Variants in APP observed in about 807,000 individuals in gnomAD.
APP encodes amyloid beta precursor protein.
APP carries 31 observed loss-of-function variants against 101.4 expected under a neutral mutation model. That is an observed-to-expected ratio of 0.31 (90% confidence interval 0.23 to 0.41). The LOEUF is 0.41. Among genes scored for constraint, APP ranks in the 10% least tolerant of loss-of-function variants. APP has a pLI of 1.00. For missense variants in APP, 839 were observed against 1,003.7 expected, an observed-to-expected ratio of 0.84 and a Z score of 2.22; for synonymous variants, 366 against 364.4, an observed-to-expected ratio of 1.00 and a Z score of -0.05.
At chr21:25,990,969 C>T (rs935547484) in intron 8 of APP, among the ~76,000 whole-genome samples, 1 of 152,114 alleles carries the variant, frequency 6.6e-6, no homozygotes, top group African/African-American at 2.4e-5. Context: ...TGTATATATA[C>T]CACGGAATAC....
intron 15 of APP, among the ~76,000 whole-genome samples, chr21:25,899,629 C>T: frequency 6.6e-6 from 1 of 152,200 alleles, no homozygotes; most frequent in Non-Finnish European, 1.5e-5. Flanking sequence ...CAGGTCCAAT[C>T]AAACCTTCAG....
At chr21:25,958,831 T>C (rs1453863176) in intron 11 of APP, among the ~76,000 whole-genome samples, 6 of 152,242 alleles carry the variant, frequency 3.9e-5, no homozygotes, top group African/African-American at 1.4e-4. Context: ...TATTGACTGC[T>C]TCTGAATGAG....
chr21:25,976,115 T>C (rs1601088553), intron 9 of APP, 87 bp from the exon 10 acceptor site: 4 of 1,166,148 alleles, frequency 3.4e-6, no homozygotes, highest in East Asian at 4.8e-5. Context: ...ATGTTTTTCC[T>C]CTATTTTTGT....
intron 1 of APP, among the ~76,000 whole-genome samples, chr21:26,153,455 CTTG>C (rs3084288): frequency 0.013 from 1,912 of 151,324 alleles, 40 homozygotes; most frequent in African/African-American, 0.044. Flanking sequence ...ACCCCTGTAC[CTTG>C]TTGTTGTTGT....
Position 26,022,033 on chromosome 21 carries a change from T to A in APP, c.672A>T (p.Lys224Asn), listed in dbSNP as rs200543884. The change falls in exon 6 of 18, where the codon AAA becomes AAT. Residue 224 changes from lysine (K) to asparagine (N), a missense_variant. Coordinates refer to ENST00000346798, the MANE Select transcript of APP (RefSeq NM_000484.4). ...CTTCCTCCTCTGCTACTTCTACTAC[T>A]TTGTCTTCACTGTGAAGGCAAACAC... is the stretch of plus-strand genomic sequence containing the variant. ...DTDYADGSED[K>N]VVEVAEEEEV... The A allele has an allele frequency of 3.1e-6, 5 of 1,613,972 alleles. No homozygotes were observed. Among genetic ancestry groups the A allele is most frequent in the Non-Finnish European group, 4.2e-6 (5 of 1,179,982 alleles).
intron 6 of APP, among the ~76,000 whole-genome samples, chr21:26,003,823 T>C (rs988245049): frequency 2.6e-5 from 4 of 152,098 alleles, no homozygotes; most frequent in Admixed American, 6.5e-5. Flanking sequence ...CCCAACACTT[T>C]CCCTCAGGGA....
Position 26,051,124 on chromosome 21 carries a change from G to A in APP, c.538C>T (p.Arg180Ter), listed in dbSNP as rs753562272. Residue 180 changes from arginine to a stop codon, truncating the protein, a stop_gained, in exon 5 of 18, where the codon CGA (arginine) becomes TGA (stop). Transcript: ENST00000346798. LOFTEE classifies it high-confidence loss of function. The part of the protein sequence containing the change: ...MLLPCGIDKF[R>*]GVEFVCCPLA... ...GGGCAACACACAAACTCTACCCCTCGGAACTTGTCAATTCCGCAGGGCAGC... is the reference window on the plus strand; with the variant it reads ...GGGCAACACACAAACTCTACCCCTCAGAACTTGTCAATTCCGCAGGGCAGC... 1 of 1,614,054 alleles carries A rather than the reference G, an allele frequency of 6.2e-7. No homozygotes were observed. The highest frequency in any genetic ancestry group is 1.1e-5 in the South Asian group (1 of 91,074).
At position 26,062,258 on chromosome 21, in the gene APP, C is replaced by CAG. The variant is rs1241767547; in HGVS notation, c.356-8912_356-8911dup. On this transcript the variant is annotated intron_variant, in intron 3 of 17. Coordinates refer to ENST00000346798, the MANE Select transcript of APP (RefSeq NM_000484.4). ...ACACACACACACACACACACACACA[C>CAG]AGAATAGTGTTTAACCCAGGCTCTG... Among the ~76,000 whole-genome samples the CAG allele has an allele frequency of 3.4e-5, 5 of 145,580 alleles. 1 individual carries two copies. Among genetic ancestry groups the CAG allele is most frequent in the East Asian group, 4.0e-4 (2 of 4,986 alleles).
intron 1 of APP, among the ~76,000 whole-genome samples, chr21:26,161,197 A>G (rs962127012): frequency 3.3e-5 from 5 of 152,220 alleles, no homozygotes; most frequent in African/African-American, 1.2e-4. Context: ...ATCAACACTA[A>G]CTTCTCTCTC....
intron 6 of APP, among the ~76,000 whole-genome samples, chr21:26,006,808 A>C (rs182564397): frequency 2.2e-4 from 34 of 152,342 alleles, no homozygotes; most frequent in African/African-American, 6.0e-4. Context: ...TATGAAGCAA[A>C]GTTAACAGAT....
intron 13 of APP, chr21:25,935,055 T>C (rs1488923962): frequency 6.6e-6 from 1 of 152,124 alleles, no homozygotes; most frequent in African/African-American, 2.4e-5. Flanking sequence ...AGAGGTTAGG[T>C]CATTTCCTCT....
intron 15 of APP, among the ~76,000 whole-genome samples, chr21:25,900,402 AAAAAAAATT>A (rs2038373309): frequency 1.4e-5 from 2 of 145,314 alleles, no homozygotes; most frequent in African/African-American, 5.4e-5. Flanking sequence ...AAAAAAAAAA[AAAAAAAATT>A]AGCCAGGTGT....
At chr21:26,161,891 C>A (rs1054565368) in intron 1 of APP, among the ~76,000 whole-genome samples, 1 of 151,694 alleles carries the variant, frequency 6.6e-6, no homozygotes, top group Non-Finnish European at 1.5e-5. Context: ...GTTTTAAAGG[C>A]TTAATCTTTG....
At chr21:26,032,567 A>G (rs1378362649) in intron 5 of APP, among the ~76,000 whole-genome samples, 2 of 152,160 alleles carry the variant, frequency 1.3e-5, no homozygotes, top group Admixed American at 1.3e-4. Context: ...TGGGATGGAA[A>G]TATTAACCAC....
chr21:26,000,314 ACATTTACTGAGGAATTTAACTGG>A (rs1346018095), intron 6 of APP, 132 bp from the exon 7 acceptor site: 27 of 1,123,592 alleles, frequency 2.4e-5, no homozygotes, highest in Non-Finnish European at 3.1e-5. Flanking sequence ...CATCTACCAA[ACATTTACTGAGGAATTTAACTGG>A]CCACCAGGAC....
chr21:26,011,595 C>A (rs1023138046), intron 6 of APP, among the ~76,000 whole-genome samples: 1 of 152,058 alleles, frequency 6.6e-6, no homozygotes, highest in Non-Finnish European at 1.5e-5. Flanking sequence ...CCCAAAACAT[C>A]AATAGTACTA....
chr21:26,156,749 T>A (rs143579445), intron 1 of APP, among the ~76,000 whole-genome samples: 32 of 152,242 alleles, frequency 2.1e-4, no homozygotes, highest in African/African-American at 7.5e-4. Flanking sequence ...AATTATATAA[T>A]ACAAACTATA....
At chr21:26,163,223 C>CG (rs2063532140) in intron 1 of APP, among the ~76,000 whole-genome samples, 1 of 87,100 alleles carries the variant, frequency 1.1e-5, no homozygotes, top group Non-Finnish European at 2.1e-5. Context: ...CTGGGTGACA[C>CG]AGTAAAACTC....
chr21:26,082,242 T>C (rs1601413793), intron 3 of APP, among the ~76,000 whole-genome samples: 3 of 152,064 alleles, frequency 2.0e-5, no homozygotes, highest in African/African-American at 7.2e-5. Context: ...AATAAATAAA[T>C]AAATAAATAA....
Sources: gnomAD v4.1 joint callset for allele counts (sites outside exome capture counted in the v4.1 genomes callset) on GRCh38, gnomAD v4.1.1 for gene constraint, MANE v1.5 for transcripts, NCBI Gene and HGNC (gene_info 2026-07-23, HGNC 2026-07-21) for gene names.